Variants in HDAC9 observed in about 807,000 individuals in gnomAD.
The protein encoded by HDAC9 is MEF-2 interacting transcription repressor (MITR) protein.
HDAC9 carries 41 observed loss-of-function variants against 139.4 expected under a neutral mutation model. The ratio of observed to expected loss-of-function variants is 0.29; its 90% CI spans 0.23 to 0.38. HDAC9 has a LOEUF of 0.38. HDAC9 is among the 10% of genes least tolerant of loss of function. HDAC9 has a pLI of 1.00. For missense variants in HDAC9, 1,147 were observed against 1,297.0 expected (o/e 0.88, Z 1.78); for synonymous variants, 517 against 476.2 (o/e 1.09, Z -1.12).
intron 2 of HDAC9, among the ~76,000 whole-genome samples, chr7:18,507,792 A>T (rs1800269508): frequency 1.3e-5 from 2 of 152,224 alleles, no homozygotes; most frequent in African/African-American, 4.8e-5. Context: ...TTGTTTGGTT[A>T]TCTGCTGACC....
At chr7:18,793,593 G>T in intron 17 of HDAC9, 141 bp downstream of exon 17, 1 of 672,540 alleles carries the variant, frequency 1.5e-6, no homozygotes, top group South Asian at 1.7e-5. Flanking sequence ...CCACTAAGGT[G>T]TGATAATAAC....
chr7:18,391,390 CAA>C (rs1202080586), intron 1 of HDAC9, among the ~76,000 whole-genome samples: 3 of 146,940 alleles, frequency 2.0e-5, no homozygotes, highest in Non-Finnish European at 4.5e-5. Context: ...ATCCCCCCCC[CAA>C]AAAAAAAAGA....
At chr7:18,098,981 T>A (rs1186925668) in intron 1 of HDAC9, among the ~76,000 whole-genome samples, 1 of 152,194 alleles carries the variant, frequency 6.6e-6, no homozygotes, top group Admixed American at 6.5e-5. Flanking sequence ...ATGATGTAAA[T>A]GATACATTAT....
intron 25 of HDAC9, among the ~76,000 whole-genome samples, chr7:18,977,330 C>T (rs1186409979): frequency 6.6e-6 from 1 of 152,172 alleles, no homozygotes. Flanking sequence ...ACTGAGGAAA[C>T]TAACATCTGT....
At chr7:18,244,516 C>A in intron 2 of HDAC9, among the ~76,000 whole-genome samples, 1 of 152,212 alleles carries the variant, frequency 6.6e-6, no homozygotes, top group Non-Finnish European at 1.5e-5. Flanking sequence ...TAAGATGTTG[C>A]GGCTAGGCGT....
chr7:18,553,935 C>T (rs1023029038), intron 2 of HDAC9, among the ~76,000 whole-genome samples: 2 of 152,238 alleles, frequency 1.3e-5, no homozygotes, highest in East Asian at 3.9e-4. Flanking sequence ...CTCAGTATTT[C>T]TTATGAAGGG....
At chr7:18,649,865 A>G (rs1212465285) in intron 11 of HDAC9, among the ~76,000 whole-genome samples, 53 of 152,092 alleles carry the variant, frequency 3.5e-4, no homozygotes, top group Non-Finnish European at 2.9e-5. Flanking sequence ...TAGCAAAAGT[A>G]TGTGTGGGAT....
At chr7:18,729,083 C>T (rs1428060335) in intron 13 of HDAC9, among the ~76,000 whole-genome samples, 1 of 152,036 alleles carries the variant, frequency 6.6e-6, no homozygotes, top group Non-Finnish European at 1.5e-5. Flanking sequence ...GTGGATTCAC[C>T]GAGTTTTTGC....
At chr7:18,718,092 C>T (rs577164040) in intron 12 of HDAC9, among the ~76,000 whole-genome samples, 39 of 152,100 alleles carry the variant, frequency 2.6e-4, no homozygotes, top group Non-Finnish European at 3.8e-4. Flanking sequence ...TTTTCATCAC[C>T]GCCCAAAAGA....
At chr7:18,829,259 C>T (rs1348038633) in intron 18 of HDAC9, 43 bp downstream of exon 18, 4 of 1,497,804 alleles carry the variant, frequency 2.7e-6, no homozygotes, top group Non-Finnish European at 3.7e-6. Flanking sequence ...CACCACGGTT[C>T]CTGGCGGTCA....
At chr7:18,868,601 C>T (rs946645381) in intron 21 of HDAC9, among the ~76,000 whole-genome samples, 1 of 152,068 alleles carries the variant, frequency 6.6e-6, no homozygotes, top group Non-Finnish European at 1.5e-5. Flanking sequence ...TTCTACAGTT[C>T]CTGGCTCATA....
At chr7:18,778,911 C>A (rs959759808) in intron 16 of HDAC9, among the ~76,000 whole-genome samples, 1 of 152,046 alleles carries the variant, frequency 6.6e-6, no homozygotes, top group African/African-American at 2.4e-5. Flanking sequence ...GTTGATCATA[C>A]CGGGAGATGG....
At chr7:18,271,422 T>G (rs1194875918) in intron 2 of HDAC9, among the ~76,000 whole-genome samples, 3 of 152,170 alleles carry the variant, frequency 2.0e-5, no homozygotes, top group African/African-American at 7.2e-5. Flanking sequence ...GGTTCCCAGT[T>G]TTCCTCCTCA....
chr7:18,124,657 G>A (rs558211161), intron 1 of HDAC9, among the ~76,000 whole-genome samples: 2 of 152,084 alleles, frequency 1.3e-5, no homozygotes, highest in Admixed American at 1.3e-4. Flanking sequence ...GTTTTTGGAC[G>A]TCATGGGTTC....
At chr7:18,266,464 A>G (rs1464972646) in intron 2 of HDAC9, among the ~76,000 whole-genome samples, 1 of 152,152 alleles carries the variant, frequency 6.6e-6, no homozygotes, top group Non-Finnish European at 1.5e-5. Context: ...AACTCAAACA[A>G]TTGCACAAGT....
intron 17 of HDAC9, among the ~76,000 whole-genome samples, chr7:18,822,813 C>A (rs1795087531): frequency 6.6e-6 from 1 of 152,116 alleles, no homozygotes; most frequent in African/African-American, 2.4e-5. Context: ...TTCTGTGCCT[C>A]AATTTCTTCA....
intron 22 of HDAC9, among the ~76,000 whole-genome samples, chr7:18,909,068 C>T (rs1228400849): frequency 1.3e-5 from 2 of 151,982 alleles, no homozygotes; most frequent in African/African-American, 4.8e-5. Context: ...TATTGTTTGT[C>T]TTTTTCATAA....
intron 2 of HDAC9, among the ~76,000 whole-genome samples, chr7:18,207,559 A>ATTTTTTTTTTTTTTTTTTTTTTTTTT (rs1584636090): frequency 8.8e-4 from 33 of 37,358 alleles, no homozygotes; most frequent in African/African-American, 9.3e-4. Context: ...TTTTTTTTTG[A>ATTTTTTTTTTTTTTTTTTTTTTTTTT]TTTGAGCTTT....
chr7:18,437,893 G>A (rs933204466), intron 1 of HDAC9, among the ~76,000 whole-genome samples: 1 of 150,488 alleles, frequency 6.6e-6, no homozygotes, highest in Non-Finnish European at 1.5e-5. Flanking sequence ...CCCTTTTTCT[G>A]AACATTTACA....
Sources: gnomAD v4.1 joint callset for allele counts (sites outside exome capture counted in the v4.1 genomes callset) on GRCh38, gnomAD v4.1.1 for gene constraint, MANE v1.5 for transcripts, NCBI Gene and HGNC (gene_info 2026-07-23, HGNC 2026-07-21) for gene names.